OTULIN: variants seen among roughly 807,000 people sequenced by gnomAD.
OTULIN encodes OTU deubiquitinase with linear linkage specificity, also known as ubiquitin thioesterase otulin.
A neutral mutation model predicts 39.6 loss-of-function variants in OTULIN; 15 were observed. The observed-to-expected ratio is 0.38, with a 90% confidence interval of 0.25 to 0.58. The LOEUF (loss-of-function observed/expected upper bound fraction) is 0.58, where lower values mean the gene tolerates loss of function less well. Ranked by LOEUF, OTULIN falls within the 20% of genes least tolerant of loss-of-function variation. OTULIN has a pLI of 0.66. For missense variants in OTULIN, 319 were observed against 445.9 expected (o/e 0.72, Z 2.56); for synonymous variants, 156 against 170.3 (o/e 0.92, Z 0.65).
At chr5:14,700,865 G>C (rs2126362594), downstream of OTULIN, among the ~76,000 whole-genome samples, 1 of 152,234 alleles carries the variant, frequency 6.6e-6, no homozygotes, top group Middle Eastern at 3.4e-3. Context: ...TCACCTTTTT[G>C]AGCACTCTGG....
At chr5:14,714,055 G>A in the OTULIN span, among the ~76,000 whole-genome samples, 1 of 152,258 alleles carries the variant, frequency 6.6e-6, no homozygotes, top group African/African-American at 2.4e-5. Flanking sequence ...GTGATGCTGC[G>A]TGAGCAGAAA....
chr5:14,669,165 G>A (rs1051545468), intron 1 of OTULIN, among the ~76,000 whole-genome samples: 5 of 151,492 alleles, frequency 3.3e-5, no homozygotes, highest in Admixed American at 6.6e-5. Context: ...AGGAGTTCAC[G>A]ACCAGCCTGG....
the OTULIN span, chr5:14,707,228 A>C: frequency 6.6e-6 from 1 of 152,156 alleles, no homozygotes; most frequent in Admixed American, 6.5e-5. Context: ...AAGGAAATGT[A>C]ATTACAACAC....
In OTULIN at chr5:14,673,607, A is replaced by G. The variant is rs1417414163; in HGVS notation, c.153-35A>G. Reference sequence around the variant, plus strand: ...TAGGACGGAAAATGTCAGTGCAACAAGTGTTTGAAAATGTCTGCTTTGGTG... The same window carrying G: ...TAGGACGGAAAATGTCAGTGCAACAGGTGTTTGAAAATGTCTGCTTTGGTG... On this transcript the variant is annotated intron_variant, in intron 1 of 6. Coordinates refer to ENST00000284274, the MANE Select transcript of OTULIN (RefSeq NM_138348.6). 2.5e-6 allele frequency: 4 copies of G among 1,598,404 alleles called. No individual in the cohort carries two copies. In the African/African-American group the frequency reaches 4.0e-5, roughly 16 times the overall value.
downstream of OTULIN, among the ~76,000 whole-genome samples, chr5:14,702,132 A>C (rs1236222099): frequency 4.6e-5 from 7 of 152,186 alleles, no homozygotes; most frequent in Non-Finnish European, 7.4e-5. Flanking sequence ...GTGAGATGCT[A>C]GGAGGCAGCG....
chr5:14,713,250 CCTT>C, the OTULIN span, among the ~76,000 whole-genome samples: 1 of 152,258 alleles, frequency 6.6e-6, no homozygotes, highest in East Asian at 1.9e-4. This position sits in a 1 kb window ranked among gnomAD's most constrained non-coding sequence, Gnocchi z 4.4. Context: ...GGGACCATGT[CCTT>C]CTCTTCTGGT....
downstream of OTULIN, among the ~76,000 whole-genome samples, chr5:14,704,336 A>AAG (rs1736876765): frequency 1.4e-4 from 21 of 148,650 alleles, no homozygotes; most frequent in South Asian, 4.2e-3. Flanking sequence ...TCTCAAAAAA[A>AAG]AAAAAAAAAA....
chr5:14,693,098 G>A lies in OTULIN; in HGVS notation c.*50G>A. On this transcript the variant is annotated 3_prime_UTR_variant, in exon 7 of 7. Coordinates refer to ENST00000284274, the MANE Select transcript of OTULIN (RefSeq NM_138348.6). Reference sequence around the variant, plus strand: ...GCGACGTGGCGAAGATGCACAGGTGGCTCCTGGGCTTGGGCTGCAGGTTTG... The same window carrying A: ...GCGACGTGGCGAAGATGCACAGGTGACTCCTGGGCTTGGGCTGCAGGTTTG... 6.6e-7 allele frequency: 1 copy of A among 1,516,466 alleles called. No individual in the cohort carries two copies. The highest frequency in any genetic ancestry group is 8.9e-7 in the Non-Finnish European group (1 of 1,118,160). The allele number at this position is 1,516,466 out of a possible 1,614,324, so 93.9% of individuals were successfully genotyped here. A position where few individuals can be genotyped will look rare whatever the true frequency, so the allele number is the denominator to read the frequency against.
downstream of OTULIN, among the ~76,000 whole-genome samples, chr5:14,701,528 C>G (rs145784138): frequency 1.9e-3 from 287 of 152,322 alleles, no homozygotes; most frequent in Non-Finnish European, 3.5e-3. Context: ...CCATTTCAAG[C>G]TTTGAGTATT....
chr5:14,685,035 A>T (rs1052550251), intron 4 of OTULIN, among the ~76,000 whole-genome samples: 2 of 152,156 alleles, frequency 1.3e-5, no homozygotes, highest in African/African-American at 4.8e-5. Context: ...CACCCCAGCT[A>T]TGGAGATGGC....
chr5:14,712,518 A>T, the OTULIN span, among the ~76,000 whole-genome samples: 2,985 of 152,264 alleles, frequency 0.02, 105 homozygotes, highest in African/African-American at 0.068. Flanking sequence ...CATTGGTATC[A>T]CTGTCCCCTC....
rs114229910 is a variant in OTULIN, at chr5:14,677,613, G to T, written c.230-1068G>T. On this transcript the variant is annotated intron_variant, in intron 2 of 6. Transcript: ENST00000284274. ...ATATTAAACTAGGGAAAATATAAAG[G>T]CTATTTTTTTTTCACTATAACATTT... Among the ~76,000 whole-genome samples the T allele has an allele frequency of 9.7e-3, 1,479 of 152,092 alleles. 26 individuals are homozygous for T. Among genetic ancestry groups the T allele is most frequent in the African/African-American group, 0.034 (1,391 of 41,472 alleles).
chr5:14,715,427 G>A, the OTULIN span, among the ~76,000 whole-genome samples: 15 of 152,204 alleles, frequency 9.9e-5, no homozygotes, highest in Non-Finnish European at 1.9e-4. Context: ...CACTGCGCCC[G>A]GCCCATGGCT....
chr5:14,714,608 G>A, the OTULIN span, among the ~76,000 whole-genome samples: 1 of 152,180 alleles, frequency 6.6e-6, no homozygotes, highest in African/African-American at 2.4e-5. Flanking sequence ...GCCTTCCTCT[G>A]GGTGGAAGCC....
rs946487458 is a variant in OTULIN, at chr5:14,696,328, T to A, written c.*3280T>A. The stretch of plus-strand genomic sequence containing the variant: ...AAAGTACAGTTGGATCATTTTCTTA[T>A]CTCCTTTTCTTAAGCAGTACTTTGC... On this transcript the variant is annotated 3_prime_UTR_variant, in exon 7 of 7. Transcript: ENST00000284274. The A allele has an allele frequency of 2.0e-5, 3 of 152,190 alleles. No individual in the cohort carries two copies. Among genetic ancestry groups the A allele is most frequent in the African/African-American group, 7.2e-5 (3 of 41,442 alleles). 9.4% of individuals were successfully genotyped at this position (152,190 alleles called of 1,614,324 possible). A position where few individuals can be genotyped will look rare whatever the true frequency, so the allele number is the denominator to read the frequency against.
chr5:14,703,730 C>T (rs918858313), downstream of OTULIN, among the ~76,000 whole-genome samples: 7 of 152,166 alleles, frequency 4.6e-5, no homozygotes, highest in African/African-American at 1.7e-4. Flanking sequence ...GATAGCTAGG[C>T]CTGACCCTAT....
chr5:14,684,278 C>T (rs1419740925), intron 4 of OTULIN, among the ~76,000 whole-genome samples: 1 of 152,192 alleles, frequency 6.6e-6, no homozygotes, highest in African/African-American at 2.4e-5. Context: ...TTTGTTCTTT[C>T]CTTGCTGTCA....
At chr5:14,706,420 G>T in the OTULIN span, 1 of 152,180 alleles carries the variant, frequency 6.6e-6, no homozygotes, top group Non-Finnish European at 1.5e-5. Context: ...AAATGATTTA[G>T]GAGGCCCACC....
rs1736725935 is a variant in OTULIN at position 14,698,359 on chromosome 5, T to C, written c.*5311T>C. On this transcript the variant is annotated 3_prime_UTR_variant, in exon 7 of 7. Coordinates refer to ENST00000284274, the MANE Select transcript of OTULIN (RefSeq NM_138348.6). ...TAAGATGTTCCGCATGTGTCCAAAA[T>C]TTCGCCTGCTCTGAAAAACATGCCC... The C allele has an allele frequency of 6.6e-6, 1 of 152,234 alleles. No homozygotes were observed. Among genetic ancestry groups the C allele is most frequent in the South Asian group, 2.1e-4 (1 of 4,830 alleles). The allele number at this position is 152,234 out of a possible 1,614,324, so 9.4% of individuals were successfully genotyped here.
Sources: allele counts gnomAD v4.1 joint callset (sites outside exome capture counted in the v4.1 genomes callset), GRCh38; gene constraint gnomAD v4.1.1; non-coding constraint Gnocchi (gnomAD v3.1); transcripts MANE v1.5; gene names NCBI Gene and HGNC (gene_info 2026-07-23, HGNC 2026-07-21).